SORCS3: variants seen among roughly 807,000 people sequenced by gnomAD.
SORCS3 encodes the protein sortilin related VPS10 domain containing receptor 3, also known as VPS10 domain-containing receptor SorCS3.
In SORCS3, 57 loss-of-function variants were observed where a neutral mutation model predicts 146.3. That is an observed-to-expected ratio of 0.39 (90% CI 0.31 to 0.49). The LOEUF is 0.49. SORCS3 is among the 20% of genes least tolerant of loss of function. The pLI is 0.92. For synonymous variants in SORCS3, 653 were observed against 618.5 expected (o/e 1.06, Z -0.83); for missense variants, 1,341 against 1,575.5 (o/e 0.85, Z 2.52).
chr10:105,014,082 TACAC>T (rs1554868644), intron 4 of SORCS3, among the ~76,000 whole-genome samples: 5 of 125,970 alleles, frequency 4.0e-5, no homozygotes, highest in African/African-American at 1.4e-4. Flanking sequence ...TATATATATA[TACAC>T]ACATATATAT....
At chr10:105,105,159 A>G (rs1005697142) in intron 6 of SORCS3, among the ~76,000 whole-genome samples, 23 of 152,210 alleles carry the variant, frequency 1.5e-4, no homozygotes, top group Admixed American at 2.6e-4. Flanking sequence ...AAAAAGCTAT[A>G]CCAAATTACT....
intron 1 of SORCS3, among the ~76,000 whole-genome samples, chr10:104,698,196 A>G (rs898186930): frequency 1.3e-5 from 2 of 152,160 alleles, no homozygotes; most frequent in African/African-American, 2.4e-5. Flanking sequence ...TAAGGAAGGC[A>G]GGCATTCCCA....
intron 4 of SORCS3, among the ~76,000 whole-genome samples, chr10:104,979,959 C>T (rs971682750): frequency 6.6e-6 from 1 of 152,152 alleles, no homozygotes; most frequent in Non-Finnish European, 1.5e-5. Context: ...GGGTTAGAGG[C>T]AACAGACTAC....
chr10:105,105,841 C>G (rs997398005), intron 7 of SORCS3, among the ~76,000 whole-genome samples: 8 of 152,092 alleles, frequency 5.3e-5, no homozygotes, highest in African/African-American at 1.9e-4. Flanking sequence ...CTATTTCTAC[C>G]CAAAGTGACT....
At chr10:105,197,452 A>C (rs544948006) in intron 14 of SORCS3, among the ~76,000 whole-genome samples, 17 of 152,186 alleles carry the variant, frequency 1.1e-4, no homozygotes, top group Non-Finnish European at 2.4e-4. Context: ...GTAGATTCAA[A>C]CACTCAGTCT....
chr10:105,151,585 C>A (rs1260566297), intron 9 of SORCS3, among the ~76,000 whole-genome samples: 1 of 152,050 alleles, frequency 6.6e-6, no homozygotes, highest in Non-Finnish European at 1.5e-5. Context: ...ATCACTCCAT[C>A]TTCTGCATGG....
intron 1 of SORCS3, among the ~76,000 whole-genome samples, chr10:104,833,464 C>T (rs1038119144): frequency 1.3e-5 from 2 of 152,108 alleles, no homozygotes; most frequent in Admixed American, 6.5e-5. Flanking sequence ...CAGGAGCCCA[C>T]AGAGCAGACA....
At chr10:105,106,666 T>C (rs1052957694) in intron 7 of SORCS3, among the ~76,000 whole-genome samples, 2 of 152,180 alleles carry the variant, frequency 1.3e-5, no homozygotes, top group African/African-American at 4.8e-5. Flanking sequence ...CTTAGTTACA[T>C]AGATTTTTGA....
At chr10:105,135,519 C>T (rs1199089619) in intron 7 of SORCS3, among the ~76,000 whole-genome samples, 6 of 152,212 alleles carry the variant, frequency 3.9e-5, no homozygotes, top group South Asian at 2.1e-4. Flanking sequence ...CTCTCTCAAA[C>T]TTGCCTTTTT....
intron 7 of SORCS3, 105 bp from the exon 8 acceptor site, chr10:105,139,292 G>A (rs1365882956): frequency 3.6e-6 from 3 of 828,636 alleles, no homozygotes; most frequent in South Asian, 3.1e-5. Flanking sequence ...TCTCTAAAAG[G>A]TAATTACAAA....
intron 1 of SORCS3, among the ~76,000 whole-genome samples, chr10:104,799,707 G>A (rs556618938): frequency 1.9e-4 from 28 of 151,338 alleles, no homozygotes; most frequent in African/African-American, 5.8e-4. Context: ...ATGGAGTCTC[G>A]CTCTGTTGCC....
At chr10:105,056,792 G>C (rs11597411) in intron 5 of SORCS3, among the ~76,000 whole-genome samples, 26,305 of 152,048 alleles carry the variant, frequency 0.17, 2,469 homozygotes, top group African/African-American at 0.21. Flanking sequence ...ATTGAAAACA[G>C]CATTAAACAT....
chr10:104,882,603 G>A (rs1564705067), intron 2 of SORCS3, among the ~76,000 whole-genome samples: 1 of 152,020 alleles, frequency 6.6e-6, no homozygotes, highest in Non-Finnish European at 1.5e-5. Context: ...GAAAGCATTG[G>A]GAAATATGTT....
intron 15 of SORCS3, among the ~76,000 whole-genome samples, chr10:105,200,733 A>T (rs1015690796): frequency 4.6e-5 from 7 of 152,172 alleles, no homozygotes; most frequent in African/African-American, 1.4e-4. Flanking sequence ...TTCCCTCTGA[A>T]GACCATGTGA....
intron 7 of SORCS3, among the ~76,000 whole-genome samples, chr10:105,135,077 A>G (rs1323276198): frequency 6.6e-6 from 1 of 152,114 alleles, no homozygotes; most frequent in Non-Finnish European, 1.5e-5. Flanking sequence ...CCAAAACCCA[A>G]CAGGGTAAAC....
chr10:104,802,987 C>T (rs1483330614), intron 1 of SORCS3, among the ~76,000 whole-genome samples: 4 of 152,198 alleles, frequency 2.6e-5, no homozygotes, highest in East Asian at 3.9e-4. Flanking sequence ...AGTTCTGCTC[C>T]GCAAGGTCAT....
intron 1 of SORCS3, among the ~76,000 whole-genome samples, chr10:104,689,033 C>T (rs1247273248): frequency 6.6e-6 from 1 of 152,242 alleles, no homozygotes; most frequent in East Asian, 1.9e-4. Flanking sequence ...CCTGCTGCTC[C>T]ACCTACTTAG....
At chr10:104,981,434 A>G (rs989849250) in intron 4 of SORCS3, among the ~76,000 whole-genome samples, 1 of 152,206 alleles carries the variant, frequency 6.6e-6, no homozygotes, top group Non-Finnish European at 1.5e-5. Flanking sequence ...AAAGCTCTAT[A>G]ACTTCTTTTG....
chr10:105,167,971 A>G (rs1192294996), intron 13 of SORCS3, among the ~76,000 whole-genome samples: 1 of 152,060 alleles, frequency 6.6e-6, no homozygotes, highest in Non-Finnish European at 1.5e-5. Context: ...CTAAAGAGAA[A>G]TGGCCAAAAT....
Sources: allele counts gnomAD v4.1 joint callset (sites outside exome capture counted in the v4.1 genomes callset), GRCh38; gene constraint gnomAD v4.1.1; transcripts MANE v1.5; gene names NCBI Gene and HGNC (gene_info 2026-07-23, HGNC 2026-07-21).